ITGAE: variants seen among roughly 807,000 people sequenced by gnomAD.
The protein encoded by ITGAE is integrin alpha-E.
ITGAE carries 99 observed loss-of-function variants against 136.5 expected under a neutral mutation model. That is an observed-to-expected ratio of 0.73 (90% CI 0.62 to 0.86). The LOEUF (loss-of-function observed/expected upper bound fraction) is 0.86. Among genes scored for constraint, ITGAE ranks in the 40% least tolerant of loss-of-function variants. The probability of loss-of-function intolerance (pLI) is 0.00; values close to 1 mark genes in which losing one functional copy is unlikely to be tolerated. For synonymous variants in ITGAE, 613 were observed against 591.8 expected, an observed-to-expected ratio of 1.04 and a Z score of -0.52; for missense variants, 1,447 against 1,515.3, an observed-to-expected ratio of 0.95 and a Z score of 0.75.
chr17:3,746,443 T>C (rs2051716161), intron 17 of ITGAE, among the ~76,000 whole-genome samples: 1 of 150,522 alleles, frequency 6.6e-6, no homozygotes, highest in Non-Finnish European at 1.5e-5. Context: ...GTTATTTTCT[T>C]TTTTTTTTCT....
intron 26 of ITGAE, chr17:3,726,525 A>C: frequency 1.7e-6 from 1 of 580,576 alleles, no homozygotes; most frequent in Non-Finnish European, 3.1e-6. Context: ...CTGATAACAA[A>C]TGTTCTGAAA....
intron 1 of ITGAE, among the ~76,000 whole-genome samples, chr17:3,785,196 T>A (rs1342830399): frequency 6.6e-6 from 1 of 151,506 alleles, no homozygotes; most frequent in Admixed American, 6.6e-5. Context: ...TGGCCGGACA[T>A]GGTGGCTCAT....
At chr17:3,746,045 ACTTC>A in intron 17 of ITGAE, 118 bp from the exon 18 acceptor site, 3 of 881,734 alleles carry the variant, frequency 3.4e-6, no homozygotes, top group Non-Finnish European at 5.2e-6. Context: ...CCATGCAGGT[ACTTC>A]CCTGCGGCTG....
intron 21 of ITGAE, among the ~76,000 whole-genome samples, chr17:3,733,897 C>T (rs926330472): frequency 1.3e-5 from 2 of 152,186 alleles, no homozygotes; most frequent in African/African-American, 4.8e-5. Context: ...ACCCAGGGCC[C>T]GCTTCCTGGG....
intron 20 of ITGAE, among the ~76,000 whole-genome samples, chr17:3,737,122 G>A (rs899877628): frequency 9.9e-5 from 15 of 152,030 alleles, no homozygotes; most frequent in Admixed American, 2.0e-4. Context: ...GTAAAACCCC[G>A]TCTCTACTAA....
intron 8 of ITGAE, 108 bp from the exon 9 acceptor site, chr17:3,757,967 C>G: frequency 2.3e-6 from 3 of 1,325,538 alleles, no homozygotes; most frequent in Non-Finnish European, 3.1e-6. Flanking sequence ...GGTTCACAAT[C>G]CTCCCGAAAG....
intron 2 of ITGAE, among the ~76,000 whole-genome samples, chr17:3,768,802 G>A (rs1476412273): frequency 3.3e-5 from 5 of 152,156 alleles, no homozygotes; most frequent in African/African-American, 9.7e-5. Context: ...GTAGGCTCCC[G>A]AAGGATCTTG....
chr17:3,725,086 C>G (rs2051175823), intron 26 of ITGAE: 1 of 1,614,208 alleles, frequency 6.2e-7, no homozygotes, highest in Non-Finnish European at 8.5e-7. Flanking sequence ...TGGACCAAAA[C>G]CAGGGCTTCC....
intron 24 of ITGAE, among the ~76,000 whole-genome samples, chr17:3,729,207 C>T (rs1597306581): frequency 6.6e-6 from 1 of 152,322 alleles, no homozygotes; most frequent in East Asian, 1.9e-4. Context: ...AGTCCCACAG[C>T]TGCCTTCTTC....
intron 15 of ITGAE, among the ~76,000 whole-genome samples, chr17:3,750,741 C>T (rs886380455): frequency 2.0e-5 from 3 of 151,424 alleles, no homozygotes; most frequent in Non-Finnish European, 4.4e-5. Flanking sequence ...TTCTGAGAAG[C>T]AGCCAGGGCC....
intron 1 of ITGAE, among the ~76,000 whole-genome samples, chr17:3,795,978 C>CGTGTGTGCATCT (rs1379289158): frequency 6.6e-4 from 27 of 41,118 alleles, no homozygotes; most frequent in African/African-American, 3.6e-3. Context: ...TGTGTGCATC[C>CGTGTGTGCATCT]GTGTGTGCAT....
chr17:3,724,979 C>T, intron 26 of ITGAE: 5 of 1,614,144 alleles, frequency 3.1e-6, no homozygotes, highest in East Asian at 2.2e-5. Context: ...CAACGGAAAC[C>T]TCTCTCCTCC....
intron 19 of ITGAE, among the ~76,000 whole-genome samples, chr17:3,740,112 T>C: frequency 6.6e-6 from 1 of 152,234 alleles, no homozygotes; most frequent in East Asian, 1.9e-4. Flanking sequence ...TGTGACCCAG[T>C]CCTTTGACCA....
intron 19 of ITGAE, among the ~76,000 whole-genome samples, chr17:3,742,456 G>GTTT (rs568033494): frequency 1.3e-4 from 17 of 134,172 alleles, no homozygotes; most frequent in Admixed American, 3.1e-4. Flanking sequence ...AAGGTTTGTG[G>GTTT]TTTTTTTTTT....
chr17:3,755,810 G>A lies in ITGAE; in HGVS notation c.1239+20C>T. ...CCTCACCAATGGGCAAGCCTGCCTG[G>A]TGCTGAGTCAGCCACGTACCTCATC... On this transcript the variant is annotated intron_variant, in intron 11 of 30. Transcript: ENST00000263087. 4 of 1,576,708 alleles carry A rather than the reference G, an allele frequency of 2.5e-6. No homozygotes were observed. The highest frequency in any genetic ancestry group is 3.4e-6 in the Non-Finnish European group (4 of 1,161,386).
chr17:3,733,300 T>C (rs188860077), intron 21 of ITGAE, among the ~76,000 whole-genome samples: 1 of 152,172 alleles, frequency 6.6e-6, no homozygotes, highest in East Asian at 1.9e-4. Flanking sequence ...GATTGCTTCA[T>C]TCATATAATG....
chr17:3,720,926 TTGAC>T (rs769787175), intron 28 of ITGAE, among the ~76,000 whole-genome samples: 7 of 152,068 alleles, frequency 4.6e-5, no homozygotes, highest in Admixed American at 1.3e-4. Context: ...AAGTCAGTTC[TTGAC>T]TGACTGACTT....
In ITGAE at chr17:3,758,553, G is replaced by A. The variant is rs549392470; in HGVS notation, c.867-694C>T. Among the ~76,000 whole-genome samples, 1,326 of 152,140 alleles carry A rather than the reference G, an allele frequency of 8.7e-3. 13 individuals are homozygous for A. The highest frequency in any genetic ancestry group is 0.044 in the South Asian group (212 of 4,826). On this transcript the variant is annotated intron_variant, in intron 8 of 30. Transcript: ENST00000263087. ...TGCAACCTCTGCCTCCCGAGTTCAA[G>A]CAATTCTCCCTGCCTCAGCCTCCCG...
chr17:3,720,265 C>T (rs1462229271), intron 29 of ITGAE, 42 bp downstream of exon 29: 2 of 953,908 alleles, frequency 2.1e-6, no homozygotes, highest in Non-Finnish European at 3.4e-6. Context: ...AGGTTAGGCA[C>T]AATTTTCCTT....
Sources: gnomAD v4.1 joint callset for allele counts (sites outside exome capture counted in the v4.1 genomes callset) on GRCh38, gnomAD v4.1.1 for gene constraint, MANE v1.5 for transcripts, NCBI Gene and HGNC (gene_info 2026-07-23, HGNC 2026-07-21) for gene names.